RPS6KC1: variants seen among roughly 807,000 people sequenced by gnomAD.
The protein encoded by RPS6KC1 is ribosomal protein S6 kinase C1, also known as inactive ribosomal protein S6 kinase delta-1.
Under a neutral mutation model 103.8 loss-of-function variants are expected in RPS6KC1, and 54 were observed. The observed-to-expected ratio is 0.52, with a 90% CI of 0.42 to 0.65. RPS6KC1 has a LOEUF of 0.65. Ranked by LOEUF, RPS6KC1 falls within the 30% of genes least tolerant of loss-of-function variation. RPS6KC1 has a pLI of 0.00. For missense variants in RPS6KC1, 1,151 were observed against 1,253.8 expected, an observed-to-expected ratio of 0.92 and a Z score of 1.24; for synonymous variants, 439 against 438.7, an observed-to-expected ratio of 1.00 and a Z score of -0.01.
chr1:213,152,349 C>T (rs2089234881), intron 6 of RPS6KC1, among the ~76,000 whole-genome samples: 2 of 147,162 alleles, frequency 1.4e-5, no homozygotes, highest in Admixed American at 6.9e-5. Flanking sequence ...CACCTCCCTC[C>T]CGGACGGGGC....
chr1:213,802,896 G>A, the RPS6KC1 span, among the ~76,000 whole-genome samples: 9 of 152,174 alleles, frequency 5.9e-5, no homozygotes, highest in African/African-American at 2.2e-4. Context: ...GCCTGGAGAA[G>A]AGAGGATTCC....
At chr1:213,655,457 G>A in the RPS6KC1 span, among the ~76,000 whole-genome samples, 45,444 of 152,090 alleles carry the variant, frequency 0.3, 7,327 homozygotes, top group Admixed American at 0.41. Flanking sequence ...TGTGAGTCAT[G>A]AACATCTTAT....
the RPS6KC1 span, among the ~76,000 whole-genome samples, chr1:213,781,818 G>GGA: frequency 6.6e-6 from 1 of 152,252 alleles, no homozygotes; most frequent in African/African-American, 2.4e-5. Flanking sequence ...AAGGAACTGG[G>GGA]GATATGGGTG....
intron 6 of RPS6KC1, among the ~76,000 whole-genome samples, chr1:213,137,597 C>T (rs1313620345): frequency 3.3e-5 from 5 of 151,288 alleles, no homozygotes; most frequent in African/African-American, 9.7e-5. Flanking sequence ...CCTCCCAAAG[C>T]GCCAGGATTA....
chr1:213,278,490 A>G (rs936169970), downstream of RPS6KC1, among the ~76,000 whole-genome samples: 5 of 152,340 alleles, frequency 3.3e-5, no homozygotes, highest in Non-Finnish European at 7.3e-5. Context: ...TATAGGAAGA[A>G]AATGTGTTAG....
chr1:213,564,295 C>T, the RPS6KC1 span, among the ~76,000 whole-genome samples: 1 of 152,112 alleles, frequency 6.6e-6, no homozygotes, highest in Non-Finnish European at 1.5e-5. Flanking sequence ...TTTATTGCTT[C>T]TTAGCTCTGA....
chr1:213,576,202 CACAACAATAAAAATAATAAT>C, the RPS6KC1 span, among the ~76,000 whole-genome samples: 7 of 151,808 alleles, frequency 4.6e-5, no homozygotes, highest in Admixed American at 3.9e-4. Flanking sequence ...AAAGAACCTC[CACAACAATAAAAATAATAAT>C]ACAACAATAA....
intron 6 of RPS6KC1, among the ~76,000 whole-genome samples, chr1:213,133,223 A>AAT (rs1490394023): frequency 2.0e-5 from 3 of 152,124 alleles, no homozygotes; most frequent in African/African-American, 2.4e-5. Flanking sequence ...AGGATGTTGC[A>AAT]ATATATATAT....
the RPS6KC1 span, among the ~76,000 whole-genome samples, chr1:213,683,066 A>AT: frequency 6.6e-6 from 1 of 152,204 alleles, no homozygotes; most frequent in Non-Finnish European, 1.5e-5. Flanking sequence ...ATCATGTCTC[A>AT]TTTTTTACAA....
chr1:213,129,041 A>G (rs1442733113), intron 5 of RPS6KC1, among the ~76,000 whole-genome samples: 2 of 152,130 alleles, frequency 1.3e-5, no homozygotes, highest in Admixed American at 6.6e-5. Context: ...CATGCCATCT[A>G]AGCTACTCGG....
chr1:213,744,290 T>C, the RPS6KC1 span, among the ~76,000 whole-genome samples: 1 of 152,046 alleles, frequency 6.6e-6, no homozygotes, highest in East Asian at 1.9e-4. Context: ...CCAAAAACTA[T>C]TGAAATAATG....
the RPS6KC1 span, among the ~76,000 whole-genome samples, chr1:213,702,274 G>A: frequency 6.6e-6 from 1 of 151,832 alleles, no homozygotes; most frequent in Non-Finnish European, 1.5e-5. Context: ...TTCAGTCAGG[G>A]AATATGCTTG....
chr1:213,761,614 G>A, the RPS6KC1 span, among the ~76,000 whole-genome samples: 1 of 152,240 alleles, frequency 6.6e-6, no homozygotes, highest in African/African-American at 2.4e-5. Context: ...TGGCGGACAG[G>A]CAAATGGCTT....
the RPS6KC1 span, among the ~76,000 whole-genome samples, chr1:213,306,162 A>G: frequency 6.6e-6 from 1 of 152,174 alleles, no homozygotes; most frequent in Non-Finnish European, 1.5e-5. Context: ...GCAGGTGATG[A>G]GAGTACAGAA....
At chr1:213,232,057 C>T (rs1482567642) in intron 9 of RPS6KC1, 66 bp from the exon 10 acceptor site, 21 of 1,590,934 alleles carry the variant, frequency 1.3e-5, no homozygotes, top group Non-Finnish European at 1.8e-5. Flanking sequence ...ACACAGAGCA[C>T]AGCAGGCTCC....
chr1:213,506,089 T>A, the RPS6KC1 span, among the ~76,000 whole-genome samples: 1 of 152,166 alleles, frequency 6.6e-6, no homozygotes. Flanking sequence ...TAACTGTGAC[T>A]GGGGTAAATT....
At chr1:213,859,640 T>C in the RPS6KC1 span, among the ~76,000 whole-genome samples, 3 of 152,322 alleles carry the variant, frequency 2.0e-5, no homozygotes, top group Admixed American at 6.5e-5. Flanking sequence ...GCTATAGTTT[T>C]CTGACTCCCG....
chr1:213,617,438 C>T, the RPS6KC1 span, among the ~76,000 whole-genome samples: 1 of 152,176 alleles, frequency 6.6e-6, no homozygotes, highest in African/African-American at 2.4e-5. Context: ...TGGCCTTATT[C>T]TGTTAATTTG....
intron 7 of RPS6KC1, among the ~76,000 whole-genome samples, chr1:213,173,503 A>G (rs1404363528): frequency 6.6e-6 from 1 of 152,216 alleles, no homozygotes; most frequent in African/African-American, 2.4e-5. Context: ...GACCCTAAGT[A>G]TATAATTTTA....
Sources: gnomAD v4.1 joint callset for allele counts (sites outside exome capture counted in the v4.1 genomes callset) on GRCh38, gnomAD v4.1.1 for gene constraint, MANE v1.5 for transcripts, NCBI Gene and HGNC (gene_info 2026-07-23, HGNC 2026-07-21) for gene names.